Variants in UNC79 observed in about 807,000 individuals in gnomAD.
The protein encoded by UNC79 is protein unc-79 homolog.
In UNC79, 37 loss-of-function variants were observed where a neutral mutation model predicts 283.1. The ratio of observed to expected loss-of-function variants is 0.13; its 90% confidence interval spans 0.10 to 0.17. The LOEUF is 0.17. UNC79 is among the 10% of genes least tolerant of loss of function. The pLI is 1.00. For synonymous variants in UNC79, 1,107 were observed against 1,200.2 expected (o/e 0.92, Z 1.61); for missense variants, 2,272 against 3,211.1 (o/e 0.71, Z 7.07).
chr14:93,405,409 G>A (rs1299674326), intron 1 of UNC79, among the ~76,000 whole-genome samples: 2 of 151,912 alleles, frequency 1.3e-5, no homozygotes, highest in Non-Finnish European at 2.9e-5. Flanking sequence ...ATTACAAGGA[G>A]AAATGAATAA....
intron 1 of UNC79, among the ~76,000 whole-genome samples, chr14:93,344,296 T>A (rs539356724): frequency 6.6e-6 from 1 of 152,216 alleles, no homozygotes; most frequent in African/African-American, 2.4e-5. Context: ...TTGACTAATA[T>A]CGTCTTTCTT....
chr14:93,647,908 A>G (rs1410242253), intron 35 of UNC79, among the ~76,000 whole-genome samples: 1 of 152,184 alleles, frequency 6.6e-6, no homozygotes. Flanking sequence ...GCAAAGAGAG[A>G]GCTTGTGCAG....
At chr14:93,513,046 A>T (rs185012501) in intron 7 of UNC79, among the ~76,000 whole-genome samples, 1 of 152,148 alleles carries the variant, frequency 6.6e-6, no homozygotes, top group Non-Finnish European at 1.5e-5. Context: ...TTACTGGTGG[A>T]TCACCTTCTT....
intron 34 of UNC79, among the ~76,000 whole-genome samples, chr14:93,644,249 C>T (rs1566844747): frequency 6.6e-6 from 1 of 152,142 alleles, no homozygotes; most frequent in East Asian, 1.9e-4. Flanking sequence ...CGCTTAGCTG[C>T]TTTGAGGGTG....
intron 1 of UNC79, among the ~76,000 whole-genome samples, chr14:93,337,700 T>A (rs2053608791): frequency 6.6e-6 from 1 of 152,132 alleles, no homozygotes; most frequent in Non-Finnish European, 1.5e-5. Flanking sequence ...CACACCCCTC[T>A]GCTTGCCATG....
intron 47 of UNC79, among the ~76,000 whole-genome samples, chr14:93,702,829 A>G (rs1566948451): frequency 6.6e-6 from 1 of 152,204 alleles, no homozygotes; most frequent in South Asian, 2.1e-4. Context: ...CCCCATCCCC[A>G]GAAACTGTCC....
At chr14:93,519,832 A>G (rs2060239428) in intron 7 of UNC79, among the ~76,000 whole-genome samples, 1 of 151,602 alleles carries the variant, frequency 6.6e-6, no homozygotes, top group African/African-American at 2.4e-5. Flanking sequence ...TACCCCTCCT[A>G]TCCTTTTTGT....
intron 4 of UNC79, among the ~76,000 whole-genome samples, chr14:93,483,807 G>T (rs4900185): frequency 0.31 from 46,473 of 151,404 alleles, 7,468 homozygotes; most frequent in East Asian, 0.64. Context: ...TTCTGTCCTT[G>T]CGATAGTTTG....
intron 1 of UNC79, among the ~76,000 whole-genome samples, chr14:93,403,674 G>A (rs767045350): frequency 1.8e-4 from 28 of 152,160 alleles, no homozygotes; most frequent in Middle Eastern, 3.2e-3. Context: ...GATCAATACA[G>A]TGTTCTAATG....
chr14:93,580,058 C>T (rs1482014275), intron 18 of UNC79, 91 bp from the exon 19 acceptor site: 14 of 1,123,934 alleles, frequency 1.2e-5, no homozygotes, highest in Non-Finnish European at 1.7e-5. Context: ...AAGTAGTGTG[C>T]CAATGGAATA....
chr14:93,509,214 C>T lies in UNC79; in HGVS notation c.898+11928C>T, dbSNP rs143425760. ...GAAATCCACCCCCATGATCCAATCA[C>T]CCCTCACCAGGCCCCTCCTCCAACC... On this transcript the variant is annotated intron_variant, in intron 7 of 48. Coordinates refer to ENST00000555664, the Ensembl canonical transcript of UNC79. Among the ~76,000 whole-genome samples the T allele has an allele frequency of 5.3e-5, 8 of 152,236 alleles. No homozygotes were observed. The East Asian group carries it at 1.5e-3, about 29-fold the overall frequency.
intron 14 of UNC79, 87 bp downstream of exon 14, chr14:93,542,783 C>A: frequency 7.8e-7 from 1 of 1,282,224 alleles, no homozygotes; most frequent in Non-Finnish European, 1.1e-6. Flanking sequence ...TTATCAGTGT[C>A]TGCAGAGGAG....
intron 1 of UNC79, among the ~76,000 whole-genome samples, chr14:93,345,453 A>G (rs945831464): frequency 2.0e-5 from 3 of 152,198 alleles, no homozygotes; most frequent in East Asian, 3.8e-4. Flanking sequence ...AGTTCATGGA[A>G]TAGAGATAAC....
At chr14:93,678,721 T>C in intron 41 of UNC79, among the ~76,000 whole-genome samples, 1 of 152,262 alleles carries the variant, frequency 6.6e-6, no homozygotes, top group East Asian at 1.9e-4. Flanking sequence ...CCATGACCAC[T>C]GTTGTTTACG....
intron 14 of UNC79, among the ~76,000 whole-genome samples, chr14:93,564,864 G>A (rs866090885): frequency 1.3e-5 from 2 of 152,124 alleles, no homozygotes; most frequent in Non-Finnish European, 2.9e-5. Flanking sequence ...GGCAGGAGCC[G>A]GCCATTTTCA....
intron 14 of UNC79, among the ~76,000 whole-genome samples, chr14:93,560,527 A>G (rs987770043): frequency 4.6e-5 from 7 of 152,176 alleles, no homozygotes; most frequent in African/African-American, 1.7e-4. Context: ...AATGCCTGCC[A>G]TTCTAGTATC....
chr14:93,694,229 G>T, intron 46 of UNC79, 106 bp from the exon 50 acceptor site: 1 of 960,912 alleles, frequency 1.0e-6, no homozygotes, highest in South Asian at 1.7e-5. Context: ...TCATTACACA[G>T]AAAGACCTCA....
chr14:93,509,145 C>G (rs1026736799), intron 7 of UNC79, among the ~76,000 whole-genome samples: 25 of 152,142 alleles, frequency 1.6e-4, no homozygotes, highest in South Asian at 4.2e-4. Context: ...TTTAAACAAC[C>G]AATTCTCTGA....
intron 1 of UNC79, among the ~76,000 whole-genome samples, chr14:93,346,497 A>G (rs1416261390): frequency 6.6e-6 from 1 of 152,152 alleles, no homozygotes; most frequent in African/African-American, 2.4e-5. Flanking sequence ...AAAATAAGAA[A>G]ATTAGCCGTA....
Sources: allele counts gnomAD v4.1 joint callset (sites outside exome capture counted in the v4.1 genomes callset), GRCh38; gene constraint gnomAD v4.1.1; transcripts MANE v1.5; gene names NCBI Gene and HGNC (gene_info 2026-07-23, HGNC 2026-07-21).